The following SKAP2 variants were observed in gnomAD, a reference collection of about 807,000 sequenced individuals.
SKAP2 encodes the protein src kinase-associated phosphoprotein 2.
A neutral mutation model predicts 54.9 loss-of-function variants in SKAP2; 28 were observed. The ratio of observed to expected loss-of-function variants is 0.51; its 90% CI spans 0.38 to 0.70. SKAP2 has a LOEUF of 0.70. Ranked by LOEUF, SKAP2 falls within the 30% of genes least tolerant of loss-of-function variation. The pLI, the probability that SKAP2 is intolerant of heterozygous loss-of-function variation, is 0.00. For synonymous variants in SKAP2, 137 were observed against 134.3 expected (o/e 1.02, Z -0.14); for missense variants, 356 against 424.1 (o/e 0.84, Z 1.41).
intron 11 of SKAP2, among the ~76,000 whole-genome samples, chr7:26,670,464 G>A (rs910178085): frequency 5.9e-5 from 9 of 151,876 alleles, no homozygotes; most frequent in African/African-American, 1.9e-4. Context: ...AACTACCTCA[G>A]GAAGCCTTCT....
At chr7:26,658,831 C>A in the SKAP2 span, among the ~76,000 whole-genome samples, 136 of 143,684 alleles carry the variant, frequency 9.5e-4, no homozygotes, top group Admixed American at 1.2e-3. Flanking sequence ...CCACCCCCCA[C>A]CCCCCCACCA....
At chr7:26,728,178 T>C (rs1263498147) in intron 6 of SKAP2, among the ~76,000 whole-genome samples, 2 of 152,114 alleles carry the variant, frequency 1.3e-5, no homozygotes, top group Non-Finnish European at 2.9e-5. Context: ...GTTTATTTCA[T>C]GAAAAAATTC....
intron 10 of SKAP2, among the ~76,000 whole-genome samples, chr7:26,688,475 T>C (rs1193884553): frequency 6.6e-6 from 1 of 152,188 alleles, no homozygotes; most frequent in African/African-American, 2.4e-5. Context: ...GTTCATGTCA[T>C]GTGATGCTCA....
chr7:26,777,959 T>C (rs1447993872), intron 4 of SKAP2, among the ~76,000 whole-genome samples: 1 of 152,064 alleles, frequency 6.6e-6, no homozygotes, highest in Non-Finnish European at 1.5e-5. Flanking sequence ...ATCCTGAGAA[T>C]ATATAATTTT....
At chr7:26,768,204 T>C (rs1783103278) in intron 4 of SKAP2, among the ~76,000 whole-genome samples, 1 of 152,186 alleles carries the variant, frequency 6.6e-6, no homozygotes, top group Non-Finnish European at 1.5e-5. Flanking sequence ...CCCTTTACCA[T>C]TATGTAATGC....
chr7:26,679,577 A>G (rs931097564), intron 11 of SKAP2, among the ~76,000 whole-genome samples: 2 of 152,196 alleles, frequency 1.3e-5, no homozygotes, highest in African/African-American at 4.8e-5. Context: ...AACATTTTGG[A>G]GCTAGCTTAG....
At chr7:26,737,433 A>C (rs1176021569) in intron 6 of SKAP2, among the ~76,000 whole-genome samples, 1 of 152,118 alleles carries the variant, frequency 6.6e-6, no homozygotes, top group Non-Finnish European at 1.5e-5. Context: ...AAATTAATTA[A>C]TTTGTTAATC....
At chr7:26,677,495 A>T (rs567095393) in intron 11 of SKAP2, among the ~76,000 whole-genome samples, 3 of 151,694 alleles carry the variant, frequency 2.0e-5, no homozygotes. Flanking sequence ...TTTCCATAGC[A>T]CAGCCGTTCT....
At chr7:26,704,329 T>TTC (rs1787111377) in intron 9 of SKAP2, among the ~76,000 whole-genome samples, 1 of 152,142 alleles carries the variant, frequency 6.6e-6, no homozygotes, top group African/African-American at 2.4e-5. Context: ...AAAACAGAGT[T>TTC]AGGCTAAGCC....
At chr7:26,665,204 G>A (rs1034279009), downstream of SKAP2, among the ~76,000 whole-genome samples, 12 of 152,134 alleles carry the variant, frequency 7.9e-5, no homozygotes, top group Non-Finnish European at 1.8e-4. Flanking sequence ...GATTTGAGAT[G>A]TTTCACTGGA....
At chr7:26,670,226 G>T in intron 11 of SKAP2, 34 bp from the exon 12 acceptor site, 1 of 959,696 alleles carries the variant, frequency 1.0e-6, no homozygotes, top group South Asian at 1.3e-5. Flanking sequence ...TTAACCTTTA[G>T]ACTGGTGTAA....
At chr7:26,703,069 C>A (rs946743472) in intron 9 of SKAP2, among the ~76,000 whole-genome samples, 2 of 152,194 alleles carry the variant, frequency 1.3e-5, no homozygotes, top group Non-Finnish European at 2.9e-5. Context: ...AGTTTCCAGC[C>A]CATGCTGCTG....
At chr7:26,659,115 T>C in the SKAP2 span, among the ~76,000 whole-genome samples, 5 of 152,302 alleles carry the variant, frequency 3.3e-5, no homozygotes, top group South Asian at 6.2e-4. Flanking sequence ...TAATCTTTAT[T>C]AAAGGAAATT....
At chr7:26,659,229 A>G in the SKAP2 span, among the ~76,000 whole-genome samples, 19,463 of 152,204 alleles carry the variant, frequency 0.13, 1,785 homozygotes, top group African/African-American at 0.26. Flanking sequence ...TTAAAGCTGC[A>G]GTGACTACAA....
At chr7:26,676,319 C>T (rs1015497437) in intron 11 of SKAP2, among the ~76,000 whole-genome samples, 10 of 152,270 alleles carry the variant, frequency 6.6e-5, no homozygotes, top group African/African-American at 2.2e-4. Flanking sequence ...GTAGCCAGTG[C>T]TGGGAAAAGC....
chr7:26,736,154 G>A (rs1303425654), intron 6 of SKAP2, among the ~76,000 whole-genome samples: 1 of 152,126 alleles, frequency 6.6e-6, no homozygotes, highest in Admixed American at 6.6e-5. Flanking sequence ...TTGACCTATG[G>A]GGGCTGCATT....
intron 4 of SKAP2, among the ~76,000 whole-genome samples, chr7:26,749,705 C>G (rs184048826): frequency 4.0e-5 from 6 of 151,118 alleles, no homozygotes; most frequent in Admixed American, 3.3e-4. Flanking sequence ...CACTGCACTC[C>G]AGCCTGGGTG....
intron 4 of SKAP2, among the ~76,000 whole-genome samples, chr7:26,811,337 AT>A (rs540833269): frequency 1.6e-3 from 244 of 152,302 alleles, no homozygotes; most frequent in African/African-American, 5.5e-3. Context: ...ATATTTCTCT[AT>A]TGATTTTACC....
intron 7 of SKAP2, 41 bp downstream of exon 7, chr7:26,726,841 A>G (rs1285610028): frequency 6.5e-7 from 1 of 1,535,696 alleles, no homozygotes; most frequent in Non-Finnish European, 8.8e-7. Flanking sequence ...AAATCAAAAC[A>G]TTTTATCAAC....
Sources: gnomAD v4.1 joint callset for allele counts (sites outside exome capture counted in the v4.1 genomes callset) on GRCh38, gnomAD v4.1.1 for gene constraint, MANE v1.5 for transcripts, NCBI Gene and HGNC (gene_info 2026-07-23, HGNC 2026-07-21) for gene names.